Variants in POLE4 observed in about 807,000 individuals in gnomAD.
POLE4 encodes DNA polymerase epsilon subunit 4.
POLE4 carries 15 observed loss-of-function variants against 15.6 expected under a neutral mutation model. That is an observed-to-expected ratio of 0.96 (90% confidence interval 0.64 to 1.48). The LOEUF (loss-of-function observed/expected upper bound fraction) is 1.48, where lower values mean the gene tolerates loss of function less well. POLE4 is among the 40% of genes most tolerant of loss of function. POLE4 has a pLI of 0.00. For missense variants in POLE4, 205 were observed against 151.9 expected (o/e 1.35, Z -1.84); for synonymous variants, 83 against 63.2 (o/e 1.31, Z -1.49).
chr2:74,958,819 AGG>A lies in POLE4; in HGVS notation c.141_142del (p.Lys47AsnfsTer54). The A allele has an allele frequency of 6.4e-7, 1 of 1,557,990 alleles. No individual in the cohort carries two copies. The highest frequency in any genetic ancestry group is 1.2e-5 in the South Asian group (1 of 84,532). On this transcript the variant is annotated frameshift_variant, in exon 1 of 4. Transcript: ENST00000483063. LOFTEE classifies it high-confidence loss of function. ...TCGAGGTTGCCTCTGGCGCGAGTGA[AGG>A]CCTTGGTGAAGGCAGATCCCGACGT...
intron 3 of POLE4, among the ~76,000 whole-genome samples, chr2:74,964,671 A>G (rs547449470): frequency 1.3e-5 from 2 of 152,016 alleles, no homozygotes; most frequent in Non-Finnish European, 2.9e-5. Context: ...CATCTTTCTT[A>G]GCTGTTATTC....
Position 74,969,565 on chromosome 2 carries a change from G to A in POLE4, c.*143G>A. ...CTTCACCTATGCCGGGATAAGCAGA[G>A]ATCTCATCAATTAGCTCTTCTCTGC... On this transcript the variant is annotated 3_prime_UTR_variant, in exon 4 of 4. Transcript: ENST00000483063. 2.5e-6 allele frequency: 2 copies of A among 789,674 alleles called. No individual in the cohort carries two copies. The highest frequency in any genetic ancestry group is 2.3e-6 in the Non-Finnish European group (1 of 442,702). 48.9% of individuals were successfully genotyped at this position (789,674 alleles called of 1,614,324 possible). A position where few individuals can be genotyped will look rare whatever the true frequency, so the allele number is the denominator to read the frequency against.
chr2:74,958,768 C>T lies in POLE4; in HGVS notation c.89C>T (p.Pro30Leu). The T allele has an allele frequency of 1.3e-6, 2 of 1,545,790 alleles. No homozygotes were observed. Among genetic ancestry groups the T allele is most frequent in the Non-Finnish European group, 1.7e-6 (2 of 1,144,524 alleles). ...GCAGCGGCCTCGCAGCCCCAGGCCC[C>T]AACGAGTGTGCCTGGGGCTCGTCTC... Reference protein sequence around the residue: ...GEAAASQPQAPTSVPGARLSR... With the variant: ...GEAAASQPQALTSVPGARLSR... The change falls in exon 1 of 4, where the codon CCA becomes CTA. Residue 30 changes from proline (P) to leucine (L), a missense_variant. Physicochemically the swap from Pro to Leu is moderately conservative, Grantham distance 98 (BLOSUM62 -3). Coordinates refer to ENST00000483063, the MANE Select transcript of POLE4 (RefSeq NM_019896.4).
intron 3 of POLE4, among the ~76,000 whole-genome samples, chr2:74,963,495 A>C (rs1442485792): frequency 6.6e-6 from 1 of 150,600 alleles, no homozygotes; most frequent in African/African-American, 2.4e-5. Flanking sequence ...GCTGTATTTT[A>C]TTTCATTTTT....
chr2:74,964,389 G>A (rs1363871597), intron 3 of POLE4, among the ~76,000 whole-genome samples: 1 of 151,960 alleles, frequency 6.6e-6, no homozygotes, highest in East Asian at 1.9e-4. Flanking sequence ...GGATTGTATT[G>A]AATTTATAAA....
In POLE4 at chr2:74,958,761, C is replaced by T. The variant is rs1671163333; in HGVS notation, c.82C>T (p.Gln28Ter). Residue 28 changes from glutamine to a stop codon, truncating the protein, a stop_gained, in exon 1 of 4, where the codon CAG (glutamine) becomes TAG (stop). Coordinates refer to ENST00000483063, the MANE Select transcript of POLE4 (RefSeq NM_019896.4). LOFTEE classifies it high-confidence loss of function. ...PAGEAAASQPQAPTSVPGARL... is the reference protein window; with the variant it reads ...PAGEAAASQP ...TGGGGAGGCAGCGGCCTCGCAGCCC[C>T]AGGCCCCAACGAGTGTGCCTGGGGC... 1 of 1,541,006 alleles carries T rather than the reference C, an allele frequency of 6.5e-7. No individual in the cohort carries two copies.
At chr2:74,966,263 C>T (rs186567223) in intron 3 of POLE4, among the ~76,000 whole-genome samples, 112 of 152,188 alleles carry the variant, frequency 7.4e-4, no homozygotes, top group African/African-American at 2.1e-3. Context: ...TCAAATTCCT[C>T]GTCTCCTAAT....
chr2:74,960,869 C>T (rs1169395226), intron 3 of POLE4, among the ~76,000 whole-genome samples: 1 of 152,204 alleles, frequency 6.6e-6, no homozygotes, highest in Non-Finnish European at 1.5e-5. Context: ...TAATGAAATA[C>T]ATTACCTTTT....
intron 3 of POLE4, among the ~76,000 whole-genome samples, chr2:74,968,783 C>T (rs1671326907): frequency 2.0e-5 from 3 of 151,972 alleles, no homozygotes. Flanking sequence ...TGACTTGAGC[C>T]TGGAGCTTCC....
At chr2:74,960,588 A>G (rs1356035630) in intron 3 of POLE4, 1 of 502,080 alleles carries the variant, frequency 2.0e-6, no homozygotes. Flanking sequence ...CTGTATTTTT[A>G]GGAGTCATGG....
In POLE4 at chr2:74,969,562, A is replaced by G. The variant is rs1671342245; in HGVS notation, c.*140A>G. On this transcript the variant is annotated 3_prime_UTR_variant, in exon 4 of 4. Transcript: ENST00000483063. Reference sequence around the variant, plus strand: ...TGCCTTCACCTATGCCGGGATAAGCAGAGATCTCATCAATTAGCTCTTCTC... The same window carrying G: ...TGCCTTCACCTATGCCGGGATAAGCGGAGATCTCATCAATTAGCTCTTCTC... 5 of 805,216 alleles carry G rather than the reference A, an allele frequency of 6.2e-6. No individual in the cohort carries two copies. The highest frequency in any genetic ancestry group is 6.6e-6 in the Non-Finnish European group (3 of 453,998). 49.9% of individuals were successfully genotyped at this position (805,216 alleles called of 1,614,324 possible).
At chr2:74,961,898 A>G (rs1421906569) in intron 3 of POLE4, among the ~76,000 whole-genome samples, 1 of 152,122 alleles carries the variant, frequency 6.6e-6, no homozygotes, top group Non-Finnish European at 1.5e-5. Flanking sequence ...TTAGGTGTGT[A>G]TGGTCTAAGT....
chr2:74,965,257 A>G (rs533935291), intron 3 of POLE4, among the ~76,000 whole-genome samples: 6 of 151,602 alleles, frequency 4.0e-5, no homozygotes, highest in Non-Finnish European at 7.4e-5. Context: ...CCACACCCCA[A>G]TAATTTTTGT....
Position 74,958,644 on chromosome 2 carries a change from C to T in POLE4, c.-36C>T, listed in dbSNP as rs1439653644. 1.5e-6 allele frequency: 2 copies of T among 1,376,752 alleles called. No individual in the cohort carries two copies. 85.3% of individuals were successfully genotyped at this position (1,376,752 alleles called of 1,614,324 possible). A position where few individuals can be genotyped will look rare whatever the true frequency, so the allele number is the denominator to read the frequency against. On this transcript the variant is annotated 5_prime_UTR_variant, in exon 1 of 4. Coordinates refer to ENST00000483063, the MANE Select transcript of POLE4 (RefSeq NM_019896.4). ...AGGGCCTGCGCCGCATGCGCGCGCA[C>T]AGTCGGCGGCCGCGCGCAGCACGCT... is the stretch of plus-strand genomic sequence containing the variant.
intron 3 of POLE4, among the ~76,000 whole-genome samples, chr2:74,963,801 A>G (rs1380087141): frequency 2.0e-5 from 3 of 152,024 alleles, no homozygotes; most frequent in African/African-American, 7.2e-5. Flanking sequence ...TGCTTGTTAT[A>G]TTTTAGATAT....
Position 74,960,163 on chromosome 2 carries a change from TG to T in POLE4, c.340+20del. 1 of 1,599,136 alleles carries T rather than the reference TG, an allele frequency of 6.3e-7. No homozygotes were observed. Among genetic ancestry groups the T allele is most frequent in the Non-Finnish European group, 8.6e-7 (1 of 1,166,464 alleles). On this transcript the variant is annotated intron_variant, in intron 3 of 3. Coordinates refer to ENST00000483063, the MANE Select transcript of POLE4 (RefSeq NM_019896.4). The stretch of plus-strand genomic sequence containing the variant: ...TTCTGGAAGGTGAGTTCCCTCTCAG[TG>T]GGCAATCATTTCCGCCTGTCTTTTG...
In POLE4 at chr2:74,969,432, G is replaced by C. The variant is rs752643813; in HGVS notation, c.*10G>C. On this transcript the variant is annotated 3_prime_UTR_variant, in exon 4 of 4. Coordinates refer to ENST00000483063, the MANE Select transcript of POLE4 (RefSeq NM_019896.4). ...AGGTACTTTAGATTGATTGCCGAGC[G>C]GGGCAGTTTTGTGAGCCTTCATCTG... is the stretch of plus-strand genomic sequence containing the variant. 1.4e-5 allele frequency: 23 copies of C among 1,613,472 alleles called. No individual in the cohort carries two copies. Among genetic ancestry groups the C allele is most frequent in the Non-Finnish European group, 5.1e-6 (6 of 1,179,588 alleles).
chr2:74,960,330 T>A (rs1671197640), intron 3 of POLE4, 184 bp downstream of exon 3: 1 of 604,828 alleles, frequency 1.7e-6, no homozygotes, highest in African/African-American at 1.9e-5. Context: ...CCTTGGGGAA[T>A]TAAAATTTCT....
At chr2:74,963,589 C>T (rs954099484) in intron 3 of POLE4, among the ~76,000 whole-genome samples, 2 of 152,056 alleles carry the variant, frequency 1.3e-5, no homozygotes, top group African/African-American at 2.4e-5. Flanking sequence ...ATGCAGCCCC[C>T]CCTCCCACGT....
Sources: gnomAD v4.1 joint callset for allele counts (sites outside exome capture counted in the v4.1 genomes callset) on GRCh38, gnomAD v4.1.1 for gene constraint, MANE v1.5 for transcripts, NCBI Gene and HGNC (gene_info 2026-07-23, HGNC 2026-07-21) for gene names.